ARHGEF10: variants seen among roughly 807,000 people sequenced by gnomAD.
ARHGEF10 encodes the protein Rho guanine nucleotide exchange factor 10.
ARHGEF10 carries 140 observed loss-of-function variants against 147.4 expected under a neutral mutation model. The ratio of observed to expected loss-of-function variants is 0.95; its 90% confidence interval spans 0.83 to 1.09. The LOEUF is 1.09. ARHGEF10 is among the 50% of genes least tolerant of loss of function. The probability of loss-of-function intolerance (pLI) is 0.00; values close to 1 mark genes in which losing one functional copy is unlikely to be tolerated. For synonymous variants in ARHGEF10, 902 were observed against 695.8 expected, an observed-to-expected ratio of 1.30 and a Z score of -4.67; for missense variants, 2,222 against 1,752.7, an observed-to-expected ratio of 1.27 and a Z score of -4.78.
chr8:1,860,268 C>T, intron 4 of ARHGEF10, 84 bp downstream of exon 4: 1 of 1,482,652 alleles, frequency 6.7e-7, no homozygotes, highest in Non-Finnish European at 9.2e-7. Flanking sequence ...GTGGTTCCCT[C>T]CTCTGCATGC....
At chr8:1,888,490 GTAAGAAGT>G (rs1808995738) in intron 11 of ARHGEF10, among the ~76,000 whole-genome samples, 5 of 142,162 alleles carry the variant, frequency 3.5e-5, no homozygotes, top group African/African-American at 5.6e-5. Context: ...ACTGAGTGGG[GTAAGAAGT>G]CTGTGGAGAT....
intron 7 of ARHGEF10, among the ~76,000 whole-genome samples, chr8:1,875,403 C>T (rs1563213876): frequency 6.6e-6 from 1 of 152,092 alleles, no homozygotes; most frequent in Non-Finnish European, 1.5e-5. Flanking sequence ...CTCAGGATGA[C>T]TCTTGGCTCT....
At chr8:1,915,422 C>G (rs1382524450) in intron 18 of ARHGEF10, among the ~76,000 whole-genome samples, 2 of 152,178 alleles carry the variant, frequency 1.3e-5, no homozygotes, top group Non-Finnish European at 2.9e-5. Context: ...TTAAGGAAGC[C>G]CAGAGCCAGC....
At chr8:1,835,549 G>T (rs1236925309) in intron 1 of ARHGEF10, among the ~76,000 whole-genome samples, 1 of 152,202 alleles carries the variant, frequency 6.6e-6, no homozygotes, top group African/African-American at 2.4e-5. Context: ...ATGCTAGCAC[G>T]CTCATGCCGT....
At chr8:1,920,962 T>C (rs1419109146) in intron 18 of ARHGEF10, among the ~76,000 whole-genome samples, 1 of 152,130 alleles carries the variant, frequency 6.6e-6, no homozygotes, top group Non-Finnish European at 1.5e-5. Flanking sequence ...AATTTTGTAT[T>C]TTTAGTAGAG....
chr8:1,917,512 C>G (rs1811848216), intron 18 of ARHGEF10, among the ~76,000 whole-genome samples: 1 of 152,150 alleles, frequency 6.6e-6, no homozygotes, highest in South Asian at 2.1e-4. Flanking sequence ...CACACAAACC[C>G]TTCCTTGTTT....
At chr8:1,932,140 A>C (rs1218315543) in intron 25 of ARHGEF10, among the ~76,000 whole-genome samples, 2 of 152,164 alleles carry the variant, frequency 1.3e-5, no homozygotes, top group African/African-American at 4.8e-5. Context: ...GAGTGTGTGA[A>C]TGTCAGAGAA....
In ARHGEF10 at chr8:1,923,944, G is replaced by C. The variant is rs994214960; in HGVS notation, c.2488+70G>C. On this transcript the variant is annotated intron_variant, in intron 21 of 28. Coordinates refer to ENST00000349830, the MANE Select transcript of ARHGEF10 (RefSeq NM_014629.4). ...GATGAATTCCTGCCCACGAGGGTGA[G>C]GTCAGGGTTGAGAAGGAAACTCAGC... is the stretch of plus-strand genomic sequence containing the variant. 4.1e-6 allele frequency: 6 copies of C among 1,446,082 alleles called. No homozygotes were observed. The Admixed American group carries it at 7.0e-5, about 17-fold the overall frequency. The allele number at this position is 1,446,082 out of a possible 1,614,324, so 89.6% of individuals were successfully genotyped here.
At chr8:1,854,992 GA>G (rs1805443016) in intron 2 of ARHGEF10, among the ~76,000 whole-genome samples, 1 of 152,158 alleles carries the variant, frequency 6.6e-6, no homozygotes, top group Non-Finnish European at 1.5e-5. Flanking sequence ...GGCGTATGGG[GA>G]GGGAGTGGAG....
chr8:1,893,701 A>AT, intron 12 of ARHGEF10, 55 bp downstream of exon 12: 1 of 1,348,070 alleles, frequency 7.4e-7, no homozygotes, highest in Non-Finnish European at 1.1e-6. Flanking sequence ...TTTTTTACCT[A>AT]TATACATTTT....
At chr8:1,838,294 C>A (rs75403599) in intron 1 of ARHGEF10, among the ~76,000 whole-genome samples, 2,227 of 152,338 alleles carry the variant, frequency 0.015, 88 homozygotes, top group East Asian at 0.095. Context: ...GGACTCATAG[C>A]TGTATTGGAG....
chr8:1,841,730 C>G (rs1417375364), intron 1 of ARHGEF10, among the ~76,000 whole-genome samples: 2 of 152,048 alleles, frequency 1.3e-5, no homozygotes, highest in South Asian at 4.1e-4. Context: ...ACAATCGCAG[C>G]TGCTGCTCGT....
chr8:1,926,292 TAAGTCATCCATTTAAG>T, intron 22 of ARHGEF10, 69 bp from the exon 23 acceptor site: 1 of 1,072,040 alleles, frequency 9.3e-7, no homozygotes, highest in Non-Finnish European at 1.5e-6. Flanking sequence ...ACATTGGAAG[TAAGTCATCCATTTAAG>T]ACGTTATGTA....
chr8:1,933,966 G>A lies in ARHGEF10; in HGVS notation c.3222+24G>A, dbSNP rs754503598. ...AGGTAAGTCACTTAGGTGGCTACAC[G>A]GTGTGGAAAAAATGCATTTCAGAAA... On this transcript the variant is annotated intron_variant, in intron 26 of 28. Transcript: ENST00000349830. 10 of 1,614,082 alleles carry A rather than the reference G, an allele frequency of 6.2e-6. No homozygotes were observed. The Admixed American group carries it at 1.0e-4, about 16-fold the overall frequency.
intron 15 of ARHGEF10, among the ~76,000 whole-genome samples, chr8:1,899,571 G>C (rs1810293533): frequency 6.6e-6 from 1 of 152,138 alleles, no homozygotes; most frequent in South Asian, 2.1e-4. Flanking sequence ...GTATGAAAAA[G>C]GATACATACT....
At chr8:1,855,186 T>C (rs1485178660) in intron 2 of ARHGEF10, among the ~76,000 whole-genome samples, 2 of 152,236 alleles carry the variant, frequency 1.3e-5, no homozygotes, top group Non-Finnish European at 1.5e-5. Context: ...CCAGACATTG[T>C]CAAGCTTTTT....
chr8:1,921,924 C>T (rs545139732), intron 18 of ARHGEF10, among the ~76,000 whole-genome samples: 2 of 152,168 alleles, frequency 1.3e-5, no homozygotes, highest in East Asian at 1.9e-4. Context: ...TGAATTTTGG[C>T]TCCTTCTCTT....
chr8:1,889,234 G>T (rs74737781), intron 11 of ARHGEF10, among the ~76,000 whole-genome samples: 9 of 116,194 alleles, frequency 7.7e-5, no homozygotes, highest in South Asian at 3.9e-4. Flanking sequence ...AGGGTTGTGA[G>T]GAGACATTGA....
intron 26 of ARHGEF10, 108 bp from the exon 27 acceptor site, chr8:1,945,373 T>C: frequency 2.3e-6 from 3 of 1,324,010 alleles, no homozygotes; most frequent in Non-Finnish European, 2.1e-6. Context: ...AGCCTGCTAC[T>C]GTGTTGCAGC....
Sources: gnomAD v4.1 joint callset for allele counts (sites outside exome capture counted in the v4.1 genomes callset) on GRCh38, gnomAD v4.1.1 for gene constraint, MANE v1.5 for transcripts, NCBI Gene and HGNC (gene_info 2026-07-23, HGNC 2026-07-21) for gene names.